The following MRM1 variants were observed in gnomAD, a reference collection of about 807,000 sequenced individuals.
MRM1 encodes the protein mitochondrial rRNA methyltransferase 1.
A neutral mutation model predicts 25.0 loss-of-function variants in MRM1; 24 were observed. That is an observed-to-expected ratio of 0.96 (90% CI 0.69 to 1.35). The LOEUF (loss-of-function observed/expected upper bound fraction) is 1.35, where lower values mean the gene tolerates loss of function less well. Among genes scored for constraint, MRM1 ranks in the 40% most tolerant of loss-of-function variants. The probability of loss-of-function intolerance (pLI) is 0.00; values close to 1 mark genes in which losing one functional copy is unlikely to be tolerated. For synonymous variants in MRM1, 188 were observed against 199.2 expected (o/e 0.94, Z 0.47); for missense variants, 431 against 464.1 (o/e 0.93, Z 0.65).
At chr17:36,621,772 C>T in the MRM1 span, among the ~76,000 whole-genome samples, 1 of 152,054 alleles carries the variant, frequency 6.6e-6, no homozygotes, top group Non-Finnish European at 1.5e-5. Flanking sequence ...GCAAGGGGGC[C>T]CCCAGCCCCC....
the MRM1 span, among the ~76,000 whole-genome samples, chr17:36,621,285 G>A: frequency 6.6e-6 from 1 of 152,066 alleles, no homozygotes; most frequent in Non-Finnish European, 1.5e-5. Context: ...ATGAACCTCA[G>A]CCTTTTATCT....
At chr17:36,617,308 T>A in the MRM1 span, among the ~76,000 whole-genome samples, 1 of 151,960 alleles carries the variant, frequency 6.6e-6, no homozygotes, top group Non-Finnish European at 1.5e-5. Context: ...CAATAACTGC[T>A]TTCACCCACG....
the MRM1 span, among the ~76,000 whole-genome samples, chr17:36,629,461 GC>G: frequency 1.3e-5 from 2 of 152,216 alleles, no homozygotes; most frequent in Non-Finnish European, 2.9e-5. Flanking sequence ...ACTAGATGGC[GC>G]TCTGACATTG....
At chr17:36,612,955 C>T (rs4796230), downstream of MRM1, among the ~76,000 whole-genome samples, 62,167 of 151,956 alleles carry the variant, frequency 0.41, 14,064 homozygotes, top group African/African-American at 0.6. Flanking sequence ...CTTTCATCTG[C>T]AGTGCACAAT....
the MRM1 span, among the ~76,000 whole-genome samples, chr17:36,617,327 G>C: frequency 6.8e-4 from 104 of 152,136 alleles, 1 homozygote; most frequent in African/African-American, 1.9e-3. Flanking sequence ...CGGTTGTGCT[G>C]GGAGGCTTGA....
chr17:36,634,125 C>A, the MRM1 span: 1 of 152,248 alleles, frequency 6.6e-6, no homozygotes, highest in African/African-American at 2.4e-5. Context: ...CAACTACATC[C>A]TCCATGGAGA....
the MRM1 span, among the ~76,000 whole-genome samples, chr17:36,619,046 G>C: frequency 6.6e-6 from 1 of 152,306 alleles, no homozygotes; most frequent in East Asian, 1.9e-4. Context: ...TTAAACCGCA[G>C]CTCCCCATCC....
chr17:36,627,581 A>G, the MRM1 span, among the ~76,000 whole-genome samples: 1 of 150,940 alleles, frequency 6.6e-6, no homozygotes, highest in Non-Finnish European at 1.5e-5. Context: ...GTGTCCCACC[A>G]TTCCCTTCTT....
chr17:36,624,374 C>A, the MRM1 span, among the ~76,000 whole-genome samples: 2 of 152,226 alleles, frequency 1.3e-5, no homozygotes, highest in African/African-American at 2.4e-5. This position sits in a 1 kb window ranked among gnomAD's most constrained non-coding sequence, Gnocchi z 4.0. Flanking sequence ...TGTGCATAGA[C>A]CCCACCCTGA....
the MRM1 span, among the ~76,000 whole-genome samples, chr17:36,631,320 C>G: frequency 6.6e-6 from 1 of 152,334 alleles, no homozygotes; most frequent in African/African-American, 2.4e-5. Flanking sequence ...GATCTGTAAA[C>G]TACATCACAC....
chr17:36,631,122 G>A, the MRM1 span, among the ~76,000 whole-genome samples: 32 of 152,216 alleles, frequency 2.1e-4, no homozygotes, highest in African/African-American at 5.1e-4. Context: ...TTTAACAAAC[G>A]TGAACGGAGG....
chr17:36,602,079 G>A lies in MRM1; in HGVS notation c.269G>A (p.Arg90Gln), dbSNP rs777175734. 24 of 1,610,498 alleles carry A rather than the reference G, an allele frequency of 1.5e-5. No homozygotes were observed. Among genetic ancestry groups the A allele is most frequent in the Non-Finnish European group, 1.9e-5 (22 of 1,179,680 alleles). The change falls in exon 1 of 5, where the codon CGG becomes CAG. Residue 90 changes from arginine (R) to glutamine (Q), a missense_variant. Arg to Gln is a conservative substitution (Grantham distance 43). Transcript: ENST00000614766. The surrounding 1 kb of genome is among the most constrained non-coding windows in gnomAD (Gnocchi z 4.1). ...CAGGGGAAGCGGGCCGAGCTGCTCC[G>A]GATGGCCGAGGCGCGGGACATTCCA... Reference protein sequence around the residue: ...GLQGKRAELLRMAEARDIPVL... With the variant: ...GLQGKRAELLQMAEARDIPVL...
chr17:36,615,054 T>G, the MRM1 span, among the ~76,000 whole-genome samples: 1 of 152,202 alleles, frequency 6.6e-6, no homozygotes, highest in Non-Finnish European at 1.5e-5. Flanking sequence ...CCAGGAGATT[T>G]CTACCTCAGG....
At chr17:36,630,428 G>A in the MRM1 span, among the ~76,000 whole-genome samples, 8 of 152,286 alleles carry the variant, frequency 5.3e-5, no homozygotes, top group East Asian at 1.9e-4. Context: ...TGTCTCGTCC[G>A]TTGTCTGGGG....
At chr17:36,624,280 G>A in the MRM1 span, among the ~76,000 whole-genome samples, 26 of 152,118 alleles carry the variant, frequency 1.7e-4, no homozygotes, top group Non-Finnish European at 3.4e-4. The surrounding 1 kb of genome is among the most constrained non-coding windows in gnomAD (Gnocchi z 4.0). Context: ...ACCTTCCCAA[G>A]AACTCTACCT....
At chr17:36,613,040 T>C (rs540216048), downstream of MRM1, among the ~76,000 whole-genome samples, 2 of 152,164 alleles carry the variant, frequency 1.3e-5, no homozygotes, top group East Asian at 1.9e-4. Flanking sequence ...GATCCCCCTT[T>C]GTCAGGGCTC....
the MRM1 span, among the ~76,000 whole-genome samples, chr17:36,631,040 T>C: frequency 1.3e-5 from 2 of 152,206 alleles, no homozygotes; most frequent in African/African-American, 4.8e-5. Context: ...ATGGGAATAA[T>C]AACAATGTCT....
chr17:36,627,351 C>A, the MRM1 span, among the ~76,000 whole-genome samples: 2 of 152,198 alleles, frequency 1.3e-5, no homozygotes, highest in Non-Finnish European at 2.9e-5. Flanking sequence ...TGCCAGCCGC[C>A]GTTGACCTCA....
At position 36,601,798 on chromosome 17, in the gene MRM1, C is replaced by G; in HGVS notation, c.-13C>G. On this transcript the variant is annotated 5_prime_UTR_variant, in exon 1 of 5. Transcript: ENST00000614766. Reference sequence around the variant, plus strand: ...GCAGCAAGGGGCATCGAGTCCCTGGCGGGAGCTGCGCCATGGCATTGCTCT... The same window carrying G: ...GCAGCAAGGGGCATCGAGTCCCTGGGGGGAGCTGCGCCATGGCATTGCTCT... 1 of 1,523,566 alleles carries G rather than the reference C, an allele frequency of 6.6e-7. No individual in the cohort carries two copies. The highest frequency in any genetic ancestry group is 8.8e-7 in the Non-Finnish European group (1 of 1,138,276). The allele number at this position is 1,523,566 out of a possible 1,614,324, so 94.4% of individuals were successfully genotyped here.
Sources: gnomAD v4.1 joint callset for allele counts (sites outside exome capture counted in the v4.1 genomes callset) on GRCh38, gnomAD v4.1.1 for gene constraint, Gnocchi (gnomAD v3.1) non-coding constraint, MANE v1.5 for transcripts, NCBI Gene and HGNC (gene_info 2026-07-23, HGNC 2026-07-21) for gene names.